PHACTR2: variants seen among roughly 807,000 people sequenced by gnomAD.
The protein encoded by PHACTR2 is chromosome 6 open reading frame 56.
Under a neutral mutation model 76.0 loss-of-function variants are expected in PHACTR2, and 30 were observed. The ratio of observed to expected loss-of-function variants is 0.39; its 90% CI spans 0.30 to 0.54. The LOEUF (loss-of-function observed/expected upper bound fraction) is 0.54, where lower values mean the gene tolerates loss of function less well. Ranked by LOEUF, PHACTR2 falls within the 20% of genes least tolerant of loss-of-function variation. PHACTR2 has a pLI of 0.61. For missense variants in PHACTR2, 696 were observed against 781.1 expected (o/e 0.89, Z 1.30); for synonymous variants, 292 against 292.5 (o/e 1.00, Z 0.02).
Position 143,754,820 on chromosome 6 carries a change from G to A in PHACTR2, c.454+908G>A, listed in dbSNP as rs575171628. 7.0e-4 allele frequency among the ~76,000 whole-genome samples: 107 copies of A among 152,234 alleles called. No individual in the cohort carries two copies. The highest frequency in any genetic ancestry group is 2.2e-3 in the African/African-American group (90 of 41,510). On this transcript the variant is annotated intron_variant, in intron 4 of 12. Transcript: ENST00000440869. The surrounding 1 kb of genome is among the most constrained non-coding windows in gnomAD (Gnocchi z 6.2). ...ATTTTATAATGTCTGTCTCTAAGTT[G>A]AATGGTAAAATTTTGTCAAACCTAG... is the stretch of plus-strand genomic sequence containing the variant.
rs969793828 is a variant in PHACTR2 at position 143,557,990 on chromosome 6, G to T, written c.217+20783G>T. On this transcript the variant is annotated intron_variant, in intron 1 of 11. Coordinates refer to the PHACTR2 transcript ENST00000367584. The surrounding 1 kb of genome is among the most constrained non-coding windows in gnomAD (Gnocchi z 5.5). ...TGGATGGGATCCTTCATGTCCAGGTGTACCTCACCTGCTTCAGGAGACACC... is the reference window on the plus strand; with the variant it reads ...TGGATGGGATCCTTCATGTCCAGGTTTACCTCACCTGCTTCAGGAGACACC... 1.2e-4 allele frequency: 18 copies of T among 152,048 alleles called. No individual in the cohort carries two copies. Among genetic ancestry groups the T allele is most frequent in the African/African-American group, 3.9e-4 (16 of 41,368 alleles). The allele number at this position is 152,048 out of a possible 1,614,324, so 9.4% of individuals were successfully genotyped here.
chr6:143,664,117 G>A lies in PHACTR2; in HGVS notation c.14-47899G>A, dbSNP rs1776992178. ...TATGAGATAATAATTTGAACATCCTGTTAGATTATAATTTTTGTCATTACA... is the reference window on the plus strand; with the variant it reads ...TATGAGATAATAATTTGAACATCCTATTAGATTATAATTTTTGTCATTACA... On this transcript the variant is annotated intron_variant, in intron 1 of 11. Coordinates refer to the PHACTR2 transcript ENST00000305766. The surrounding 1 kb of genome is among the most constrained non-coding windows in gnomAD (Gnocchi z 5.1). Among the ~76,000 whole-genome samples the A allele has an allele frequency of 6.6e-6, 1 of 151,900 alleles. No individual in the cohort carries two copies. Among genetic ancestry groups the A allele is most frequent in the South Asian group, 2.1e-4 (1 of 4,824 alleles).
At chr6:143,719,355 T>C (rs2128462844) in intron 2 of PHACTR2, among the ~76,000 whole-genome samples, 1 of 138,594 alleles carries the variant, frequency 7.2e-6, no homozygotes, top group East Asian at 2.2e-4. Flanking sequence ...ACTTCTTTTT[T>C]TTTTTTTTTT....
intron 12 of PHACTR2, among the ~76,000 whole-genome samples, chr6:143,808,523 A>G (rs1776111017): frequency 6.6e-6 from 1 of 152,200 alleles, no homozygotes; most frequent in Non-Finnish European, 1.5e-5. Flanking sequence ...TTTATACAGC[A>G]TTTACATTGT....
chr6:143,714,089 G>A (rs180910026), intron 2 of PHACTR2, among the ~76,000 whole-genome samples: 1 of 152,144 alleles, frequency 6.6e-6, no homozygotes, highest in Admixed American at 6.5e-5. Flanking sequence ...CTAATATTTG[G>A]ATATAACCAA....
intron 1 of PHACTR2, among the ~76,000 whole-genome samples, chr6:143,635,661 G>T (rs1438857063): frequency 6.6e-6 from 1 of 152,130 alleles, no homozygotes; most frequent in Non-Finnish European, 1.5e-5. Flanking sequence ...TTTGTCTAGT[G>T]CCAGTCGTAT....
Position 143,543,580 on chromosome 6 carries a change from A to G in PHACTR2, c.217+6373A>G, listed in dbSNP as rs1292800047. Among the ~76,000 whole-genome samples, 2 of 152,234 alleles carry G rather than the reference A, an allele frequency of 1.3e-5. No homozygotes were observed. Among genetic ancestry groups the G allele is most frequent in the Admixed American group, 6.5e-5 (1 of 15,286 alleles). On this transcript the variant is annotated intron_variant, in intron 1 of 11. Coordinates refer to the PHACTR2 transcript ENST00000367584. The surrounding 1 kb of genome is among the most constrained non-coding windows in gnomAD (Gnocchi z 4.7). Reference sequence around the variant, plus strand: ...AAGAGGTGAAACCTGGGCTATCTCTATGCAAAAGGAGGAACTGAAAGATGG... The same window carrying G: ...AAGAGGTGAAACCTGGGCTATCTCTGTGCAAAAGGAGGAACTGAAAGATGG...
chr6:143,544,230 A>C (rs1271299116), intron 1 of PHACTR2, among the ~76,000 whole-genome samples: 3 of 132,516 alleles, frequency 2.3e-5, no homozygotes, highest in Admixed American at 1.4e-4. Context: ...CCTTCATTCC[A>C]GGAGGGAGGG....
At chr6:143,815,076 T>C (rs1776270391) in intron 12 of PHACTR2, among the ~76,000 whole-genome samples, 1 of 152,184 alleles carries the variant, frequency 6.6e-6, no homozygotes, top group Non-Finnish European at 1.5e-5. Flanking sequence ...TAAGGGGTCC[T>C]CCACCGAGGA....
In PHACTR2 at chr6:143,816,482, C is replaced by T. The variant is rs955290243; in HGVS notation, c.1923-7192C>T. Among the ~76,000 whole-genome samples, 7 of 152,028 alleles carry T rather than the reference C, an allele frequency of 4.6e-5. No individual in the cohort carries two copies. Among genetic ancestry groups the T allele is most frequent in the South Asian group, 4.2e-4 (2 of 4,806 alleles). The stretch of plus-strand genomic sequence containing the variant: ...TTTCCTTCTGGTTGTTACTTTTTAC[C>T]GAATCTGGGCAATCTATCTAAAGAG... On this transcript the variant is annotated intron_variant, in intron 12 of 12. Coordinates refer to ENST00000440869, the MANE Select transcript of PHACTR2 (RefSeq NM_001100164.2). The surrounding 1 kb of genome is among the most constrained non-coding windows in gnomAD (Gnocchi z 4.5).
At chr6:143,588,103 T>A (rs1261972818) in intron 1 of PHACTR2, among the ~76,000 whole-genome samples, 1 of 152,042 alleles carries the variant, frequency 6.6e-6, no homozygotes, top group Non-Finnish European at 1.5e-5. Flanking sequence ...CAGTGAAAGA[T>A]CTTCTAAAGC....
intron 1 of PHACTR2, among the ~76,000 whole-genome samples, chr6:143,657,244 TA>T (rs35861745): frequency 1.1e-4 from 17 of 148,966 alleles, no homozygotes; most frequent in Admixed American, 2.7e-4. Context: ...AGAATTTAAG[TA>T]AAAAAAAAAA....
At position 143,652,674 on chromosome 6, in the gene PHACTR2, A is replaced by C. The variant is rs117064080; in HGVS notation, c.13+44352A>C. The stretch of plus-strand genomic sequence containing the variant: ...CTGCTGCTGTTGTTAAGTGGCCTGT[A>C]CCATCCTTGAGTAGGCAAGAAGAGC... On this transcript the variant is annotated intron_variant, in intron 1 of 11. Coordinates refer to the PHACTR2 transcript ENST00000305766. This position sits in a 1 kb window ranked among gnomAD's most constrained non-coding sequence, Gnocchi z 4.5. Among the ~76,000 whole-genome samples the C allele has an allele frequency of 6.6e-6, 1 of 152,252 alleles. No homozygotes were observed. Among genetic ancestry groups the C allele is most frequent in the East Asian group, 1.9e-4 (1 of 5,198 alleles).
At position 143,755,676 on chromosome 6, in the gene PHACTR2, T is replaced by C. The variant is rs1005863616; in HGVS notation, c.454+1764T>C. On this transcript the variant is annotated intron_variant, in intron 4 of 12. Transcript: ENST00000440869. The surrounding 1 kb of genome is among the most constrained non-coding windows in gnomAD (Gnocchi z 5.2). ...TACATGAGGAAGGAGCTGGGAGTGC[T>C]GGATGCTGACATACCACTAAAGAGG... 6.6e-6 allele frequency among the ~76,000 whole-genome samples: 1 copy of C among 151,874 alleles called. No individual in the cohort carries two copies. Among genetic ancestry groups the C allele is most frequent in the African/African-American group, 2.4e-5 (1 of 41,160 alleles).
At position 143,591,999 on chromosome 6, in the gene PHACTR2, T is replaced by A. The variant is rs1775697258; in HGVS notation, c.217+54792T>A. Among the ~76,000 whole-genome samples, 1 of 152,154 alleles carries A rather than the reference T, an allele frequency of 6.6e-6. No individual in the cohort carries two copies. Among genetic ancestry groups the A allele is most frequent in the South Asian group, 2.1e-4 (1 of 4,822 alleles). Reference sequence around the variant, plus strand: ...CCTGGGCATGGCTGTTTGTGGGTTGTGTTGACAGAAGTGCATTTGTGGATA... The same window carrying A: ...CCTGGGCATGGCTGTTTGTGGGTTGAGTTGACAGAAGTGCATTTGTGGATA... On this transcript the variant is annotated intron_variant, in intron 1 of 11. Coordinates refer to the PHACTR2 transcript ENST00000367584. The surrounding 1 kb of genome is among the most constrained non-coding windows in gnomAD (Gnocchi z 6.4).
intron 1 of PHACTR2, among the ~76,000 whole-genome samples, chr6:143,572,124 T>C (rs967581249): frequency 3.3e-5 from 5 of 152,250 alleles, no homozygotes; most frequent in Admixed American, 6.5e-5. Context: ...TAACTACAGG[T>C]CCAATATCTT....
Position 143,731,875 on chromosome 6 carries a change from T to C in PHACTR2, c.215-17110T>C, listed in dbSNP as rs1224935028. On this transcript the variant is annotated intron_variant, in intron 2 of 12. Coordinates refer to ENST00000440869, the MANE Select transcript of PHACTR2 (RefSeq NM_001100164.2). This position sits in a 1 kb window ranked among gnomAD's most constrained non-coding sequence, Gnocchi z 4.9. ...AGATTTCTCTTTTGAAAGATTTAAA[T>C]AGCATATTCAATTTCTTTTATAGTT... Among the ~76,000 whole-genome samples the C allele has an allele frequency of 6.6e-6, 1 of 152,246 alleles. No individual in the cohort carries two copies. The highest frequency in any genetic ancestry group is 2.4e-5 in the African/African-American group (1 of 41,472).
At chr6:143,632,479 A>C (rs1024746969) in intron 1 of PHACTR2, among the ~76,000 whole-genome samples, 1 of 152,198 alleles carries the variant, frequency 6.6e-6, no homozygotes, top group African/African-American at 2.4e-5. Flanking sequence ...ACAGCAACAT[A>C]AAGAGCAAAG....
In PHACTR2 at chr6:143,827,180, A is replaced by ATATATATATATATATGTATAT. The variant is rs1776559285; in HGVS notation, c.*3506_*3507insGTATATTATATATATATATAT. 1 of 129,576 alleles carries ATATATATATATATATGTATAT rather than the reference A, an allele frequency of 7.7e-6. No homozygotes were observed. The highest frequency in any genetic ancestry group is 2.9e-5 in the African/African-American group (1 of 34,110). 8.0% of individuals were successfully genotyped at this position (129,576 alleles called of 1,614,324 possible). On this transcript the variant is annotated 3_prime_UTR_variant, in exon 13 of 13. Transcript: ENST00000440869. Reference sequence around the variant, plus strand: ...AATATATATATATATATATATATATATATATATATATATATATATGTATAT... The same window carrying ATATATATATATATATGTATAT: ...AATATATATATATATATATATATATATATATATATATATATGTATATTATATATATATATATATATGTATAT...
Sources: allele counts gnomAD v4.1 joint callset (sites outside exome capture counted in the v4.1 genomes callset), GRCh38; gene constraint gnomAD v4.1.1; non-coding constraint Gnocchi (gnomAD v3.1); transcripts MANE v1.5; gene names NCBI Gene and HGNC (gene_info 2026-07-23, HGNC 2026-07-21).